BACE2: variants seen among roughly 807,000 people sequenced by gnomAD.
BACE2 encodes beta-secretase 2.
BACE2 carries 17 observed loss-of-function variants against 46.2 expected under a neutral mutation model. The ratio of observed to expected loss-of-function variants is 0.37; its 90% CI spans 0.25 to 0.55. BACE2 has a LOEUF of 0.55. BACE2 is among the 20% of genes least tolerant of loss of function. BACE2 has a pLI of 0.82. For synonymous variants in BACE2, 277 were observed against 295.9 expected (o/e 0.94, Z 0.66); for missense variants, 595 against 698.1 (o/e 0.85, Z 1.66).
rs1984468468 is a variant in BACE2, at chr21:41,168,566, C to T, written c.303C>T (p.Pro101=). ...ACCTGGAGATGCTGATCGGGACCCC[C>T]CCGCAGAAGGTAGGGACCCCCGGCT... is the stretch of plus-strand genomic sequence containing the variant. ...GYYLEMLIGT[P]PQKLQILVDT... is the part of the protein sequence containing the mutation. Residue 101 remains proline (P), a synonymous_variant, in exon 1 of 9, where the codon CCC becomes CCT. Transcript: ENST00000330333. 7.5e-7 allele frequency: 1 copy of T among 1,325,748 alleles called. No individual in the cohort carries two copies. The highest frequency in any genetic ancestry group is 2.8e-5 in the East Asian group (1 of 35,542). The allele number at this position is 1,325,748 out of a possible 1,614,324, so 82.1% of individuals were successfully genotyped here. A position where few individuals can be genotyped will look rare whatever the true frequency, so the allele number is the denominator to read the frequency against.
Position 41,257,291 on chromosome 21 carries a change from A to G in BACE2, c.1268A>G (p.Gln423Arg). ...EGFYVIFDRAQKRVGFAASPC... is the reference protein window; with the variant it reads ...EGFYVIFDRARKRVGFAASPC... ...TTCTACGTCATCTTCGACAGAGCCCAGAAGAGGGTGGGCTTCGCAGCGAGC... is the reference window on the plus strand; with the variant it reads ...TTCTACGTCATCTTCGACAGAGCCCGGAAGAGGGTGGGCTTCGCAGCGAGC... Residue 423 changes from glutamine to arginine, a missense_variant, in exon 8 of 9, where the codon CAG (glutamine) becomes CGG (arginine). Physicochemically the swap from Gln to Arg is conservative, Grantham distance 43 (BLOSUM62 1). This residue lies in a region of BACE2 where 343 missense variants were observed against 419.4 expected (regional missense o/e 0.82). Transcript: ENST00000330333. 6.2e-7 allele frequency: 1 copy of G among 1,614,150 alleles called. No homozygotes were observed. Among genetic ancestry groups the G allele is most frequent in the Admixed American group, 1.7e-5 (1 of 60,032 alleles).
rs1254269117 is a variant in BACE2 at position 41,275,428 on chromosome 21, C to G, written c.1361C>G (p.Ala454Gly). 1 of 1,614,184 alleles carries G rather than the reference C, an allele frequency of 6.2e-7. No individual in the cohort carries two copies. The change falls in exon 9 of 9, where the codon GCC becomes GGC. Residue 454 changes from alanine to glycine, a missense_variant. Coordinates refer to ENST00000330333, the MANE Select transcript of BACE2 (RefSeq NM_012105.5). ...ISGPFSTEDV[A>G]SNCVPAQSLS... ...GGGCCTTTCTCAACAGAGGATGTAG[C>G]CAGCAACTGTGTCCCCGCTCAGTCT... is the stretch of plus-strand genomic sequence containing the variant.
At chr21:41,176,909 C>CTTCT (rs960884601) in intron 1 of BACE2, 1 of 152,226 alleles carries the variant, frequency 6.6e-6, no homozygotes, top group African/African-American at 2.4e-5. Context: ...ATAGTCCATT[C>CTTCT]TTCTACACTG....
intron 1 of BACE2, among the ~76,000 whole-genome samples, chr21:41,203,736 A>T (rs1321040517): frequency 1.3e-5 from 2 of 152,036 alleles, no homozygotes; most frequent in African/African-American, 4.8e-5. Context: ...GGGACACCCC[A>T]AAACTTAGAG....
At chr21:41,224,156 A>G (rs1225576419) in intron 1 of BACE2, among the ~76,000 whole-genome samples, 13 of 151,162 alleles carry the variant, frequency 8.6e-5, no homozygotes. Flanking sequence ...CCTTGGCAAA[A>G]TTATTTTATA....
intron 1 of BACE2, among the ~76,000 whole-genome samples, chr21:41,207,551 C>T (rs530901285): frequency 6.6e-6 from 1 of 152,256 alleles, no homozygotes; most frequent in African/African-American, 2.4e-5. Flanking sequence ...ACTCCAGTCC[C>T]AGGGAGAGAG....
intron 2 of BACE2, among the ~76,000 whole-genome samples, chr21:41,236,157 A>G (rs17765162): frequency 0.013 from 2,042 of 152,284 alleles, 29 homozygotes; most frequent in Non-Finnish European, 0.021. Context: ...TCCTTCCTAT[A>G]TTCCAGCAGT....
chr21:41,266,743 TCA>T (rs1988076894), intron 8 of BACE2, among the ~76,000 whole-genome samples: 1 of 152,248 alleles, frequency 6.6e-6, no homozygotes, highest in South Asian at 2.1e-4. Context: ...GTCAAGTCTC[TCA>T]CCCCTCCTGG....
At chr21:41,252,382 T>G (rs898455896) in intron 7 of BACE2, 1 of 152,222 alleles carries the variant, frequency 6.6e-6, no homozygotes, top group African/African-American at 2.4e-5. Context: ...TCCAGATTCT[T>G]CCCATCCTTT....
intron 1 of BACE2, among the ~76,000 whole-genome samples, chr21:41,215,544 G>A (rs1225113358): frequency 6.6e-6 from 1 of 152,226 alleles, no homozygotes; most frequent in African/African-American, 2.4e-5. Context: ...TTAAAAGCCA[G>A]TGATTTTCAA....
At chr21:41,231,136 A>G (rs1986957898) in intron 2 of BACE2, among the ~76,000 whole-genome samples, 1 of 152,218 alleles carries the variant, frequency 6.6e-6, no homozygotes, top group Non-Finnish European at 1.5e-5. Flanking sequence ...ATGAGGACAG[A>G]TATTTTTACC....
intron 1 of BACE2, chr21:41,178,790 G>A: frequency 9.3e-6 from 2 of 214,702 alleles, no homozygotes; most frequent in South Asian, 1.7e-4. Flanking sequence ...GCCCTGGTAT[G>A]CAACAGTCAA....
chr21:41,206,039 G>A (rs992885518), intron 1 of BACE2, among the ~76,000 whole-genome samples: 1 of 152,164 alleles, frequency 6.6e-6, no homozygotes, highest in Non-Finnish European at 1.5e-5. Context: ...AAGTGTCTGT[G>A]GACAGTTGAA....
intron 6 of BACE2, 85 bp from the exon 7 acceptor site, chr21:41,250,667 G>T (rs1295326163): frequency 1.6e-6 from 2 of 1,289,032 alleles, no homozygotes; most frequent in Non-Finnish European, 2.2e-6. Context: ...TGGGCATCTG[G>T]CGAGGTGGCT....
intron 1 of BACE2, chr21:41,176,708 A>G (rs532758312): frequency 6.6e-6 from 1 of 152,254 alleles, no homozygotes; most frequent in East Asian, 1.9e-4. Flanking sequence ...GAAAACACGC[A>G]GTTTTTTCTA....
chr21:41,195,957 A>G lies in BACE2; in HGVS notation c.312+27382A>G, dbSNP rs186723206. The stretch of plus-strand genomic sequence containing the variant: ...TATGGAGAGGAATTTGGAAATGGCT[A>G]GCAAAATTACATACATTTATCCTTT... On this transcript the variant is annotated intron_variant, in intron 1 of 8. Coordinates refer to ENST00000330333, the MANE Select transcript of BACE2 (RefSeq NM_012105.5). 3.3e-5 allele frequency among the ~76,000 whole-genome samples: 5 copies of G among 152,268 alleles called. No individual in the cohort carries two copies. In the East Asian group the frequency reaches 9.7e-4, roughly 29 times the overall value.
chr21:41,236,617 G>A (rs1275857226), intron 2 of BACE2: 1 of 152,230 alleles, frequency 6.6e-6, no homozygotes, highest in African/African-American at 2.4e-5. Flanking sequence ...GGCATTGGGG[G>A]AGAACCTTGA....
intron 2 of BACE2, among the ~76,000 whole-genome samples, chr21:41,235,901 A>G (rs1401085264): frequency 6.6e-6 from 1 of 151,752 alleles, no homozygotes; most frequent in Non-Finnish European, 1.5e-5. Flanking sequence ...TGTCATCTCC[A>G]AACTTCTTTA....
At chr21:41,230,284 T>C (rs1986935343) in intron 2 of BACE2, 1 of 152,376 alleles carries the variant, frequency 6.6e-6, no homozygotes, top group Middle Eastern at 3.4e-3. Flanking sequence ...ATTAAATTCT[T>C]AGATTGATAT....
Sources: allele counts gnomAD v4.1 joint callset (sites outside exome capture counted in the v4.1 genomes callset), GRCh38; gene constraint gnomAD v4.1.1; regional missense constraint gnomAD v4.1.1; transcripts MANE v1.5; gene names NCBI Gene and HGNC (gene_info 2026-07-23, HGNC 2026-07-21).